The following FUS variants were observed in gnomAD, a reference collection of about 807,000 sequenced individuals.
FUS encodes the protein FUS RNA binding protein.
In FUS, 5 loss-of-function variants were observed where a neutral mutation model predicts 82.7. That is an observed-to-expected ratio of 0.06 (90% CI 0.03 to 0.13). The LOEUF (loss-of-function observed/expected upper bound fraction) is 0.13. FUS is among the 10% of genes least tolerant of loss of function. FUS has a pLI of 1.00. For synonymous variants in FUS, 281 were observed against 247.4 expected, an observed-to-expected ratio of 1.14 and a Z score of -1.27; for missense variants, 512 against 707.8, an observed-to-expected ratio of 0.72 and a Z score of 3.14.
rs1273927263 is a variant in FUS at position 31,184,994 on chromosome 16, T to G, written c.579T>G (p.Gly193=). The change falls in exon 6 of 15, where the codon GGT becomes GGG. Residue 193 remains glycine (G), a synonymous_variant. Coordinates refer to ENST00000254108, the MANE Select transcript of FUS (RefSeq NM_004960.4). ...SMSSGGGSGG[G]YGNQDQSGGG... ...GTAGTGGTGGTGGCAGTGGTGGCGG[T>G]TATGGCAATCAAGACCAGAGTGGTG... 22 of 1,613,456 alleles carry G rather than the reference T, an allele frequency of 1.4e-5. No homozygotes were observed. Among genetic ancestry groups the G allele is most frequent in the Non-Finnish European group, 1.8e-5 (21 of 1,179,820 alleles).
chr16:31,180,624 G>A (rs866688430), intron 1 of FUS, among the ~76,000 whole-genome samples: 17 of 152,260 alleles, frequency 1.1e-4, no homozygotes, highest in South Asian at 8.3e-4. Context: ...GCGCTCTGCG[G>A]GCCCCTCCCC....
chr16:31,194,703 T>C (rs1398536802), downstream of FUS: 1 of 486,508 alleles, frequency 2.1e-6, no homozygotes, highest in Non-Finnish European at 4.1e-6. Context: ...GGCTAATATA[T>C]CCATCACTTC....
intron 2 of FUS, 40 bp downstream of exon 2, chr16:31,182,462 A>G (rs768106216): frequency 1.9e-6 from 3 of 1,614,118 alleles, no homozygotes; most frequent in Non-Finnish European, 2.5e-6. Context: ...TGTAGAGGGC[A>G]AGGGTGGTCA....
rs895300692 is a variant in FUS, at chr16:31,185,077, G to T, written c.662G>T (p.Ser221Ile). 5 of 1,609,622 alleles carry T rather than the reference G, an allele frequency of 3.1e-6. No homozygotes were observed. In the African/African-American group the frequency reaches 4.0e-5, roughly 13 times the overall value. Residue 221 changes from serine to isoleucine, a missense_variant, in exon 6 of 15, where the codon AGT becomes ATT. Around this residue, in one of 6 missense-constraint regions of FUS, gnomAD observed 276 missense variants for 303.3 expected, o/e 0.91. Transcript: ENST00000254108. ...QDRGGRGRGG[S>I]GGGGGGGGGG... ...CGTGGAGGCCGCGGCAGGGGTGGCAGTGGTGGCGGCGGCGGCGGCGGCGGT... is the reference window on the plus strand; with the variant it reads ...CGTGGAGGCCGCGGCAGGGGTGGCATTGGTGGCGGCGGCGGCGGCGGCGGT...
At chr16:31,191,785 T>C (rs1482264058), downstream of FUS, 7 of 590,456 alleles carry the variant, frequency 1.2e-5, no homozygotes, top group South Asian at 1.1e-4. Context: ...GGAAAGTTGG[T>C]GTATAAATGA....
At chr16:31,183,370 AT>A (rs1264110953) in intron 3 of FUS, 1 of 163,852 alleles carries the variant, frequency 6.1e-6, no homozygotes, top group Admixed American at 5.6e-5. Flanking sequence ...GACTCTTCTT[AT>A]TTTCCATCAG....
At chr16:31,183,174 T>C (rs1173633434) in intron 3 of FUS, 1 of 189,018 alleles carries the variant, frequency 5.3e-6, no homozygotes, top group Non-Finnish European at 1.1e-5. Flanking sequence ...GGCGGGAGGA[T>C]CCCTTGAATT....
chr16:31,183,075 A>G, intron 3 of FUS: 4 of 298,362 alleles, frequency 1.3e-5, no homozygotes, highest in South Asian at 1.3e-4. Context: ...TTTCCGTGAA[A>G]CAGTGTATAA....
At chr16:31,187,223 G>T in intron 7 of FUS, 1 of 352,874 alleles carries the variant, frequency 2.8e-6, no homozygotes, top group Admixed American at 4.1e-5. Context: ...TTGTGTGTGT[G>T]TGAGTGTGTG....
intron 1 of FUS, among the ~76,000 whole-genome samples, chr16:31,181,876 G>C (rs1434982312): frequency 6.6e-6 from 1 of 152,156 alleles, no homozygotes; most frequent in East Asian, 1.9e-4. Flanking sequence ...CTGGGACTCT[G>C]TAGAAACTTG....
At chr16:31,182,807 AC>A in intron 3 of FUS, 143 bp downstream of exon 3, 1 of 1,015,202 alleles carries the variant, frequency 9.9e-7, no homozygotes, top group Non-Finnish European at 1.5e-6. Context: ...ACATCAGCCT[AC>A]CGGGTTCAAA....
chr16:31,188,271 C>T (rs751675363), intron 7 of FUS, 54 bp from the exon 8 acceptor site: 84 of 1,585,624 alleles, frequency 5.3e-5, no homozygotes, highest in Non-Finnish European at 6.5e-5. Context: ...ACTAACGGCT[C>T]ATCTTTTCCT....
chr16:31,188,235 T>C, intron 7 of FUS, 90 bp from the exon 8 acceptor site: 1 of 1,389,522 alleles, frequency 7.2e-7, no homozygotes, highest in Non-Finnish European at 1.0e-6. Flanking sequence ...GTGTTAATTT[T>C]TTTCCTTGTC....
rs1567467354 is a variant in FUS at position 31,180,182 on chromosome 16, G to GTTGC, written c.-24_-21dup. 1.2e-6 allele frequency: 2 copies of GTTGC among 1,608,710 alleles called. No individual in the cohort carries two copies. Among genetic ancestry groups the GTTGC allele is most frequent in the Non-Finnish European group, 8.5e-7 (1 of 1,177,610 alleles). ...CGGTACTCAGCGGTGTTGGAACTTC[G>GTTGC]TTGCTTGCTTGCCTGTGCGCGCGTG... On this transcript the variant is annotated 5_prime_UTR_variant, in exon 1 of 15. Coordinates refer to ENST00000254108, the MANE Select transcript of FUS (RefSeq NM_004960.4).
At chr16:31,181,378 C>T (rs1456560084) in intron 1 of FUS, among the ~76,000 whole-genome samples, 1 of 152,102 alleles carries the variant, frequency 6.6e-6, no homozygotes, top group Non-Finnish European at 1.5e-5. Flanking sequence ...TTTTCAAAAG[C>T]GCTTTTGTTG....
downstream of FUS, chr16:31,192,737 G>A (rs142052066): frequency 2.1e-6 from 1 of 479,930 alleles, no homozygotes; most frequent in Middle Eastern, 6.2e-4. Context: ...TGCCCACCTA[G>A]TTTTTGCATT....
downstream of FUS, chr16:31,194,294 A>ATTTT (rs375892764): frequency 3.1e-5 from 15 of 484,170 alleles, no homozygotes; most frequent in Middle Eastern, 5.9e-4. Flanking sequence ...TCCTTTTTAA[A>ATTTT]TTTTTTTTTT....
At chr16:31,186,891 G>C in intron 7 of FUS, 55 bp downstream of exon 7, 2 of 1,514,838 alleles carry the variant, frequency 1.3e-6, no homozygotes, top group Non-Finnish European at 1.8e-6. Context: ...TTGTCTGATT[G>C]TTCATTTGCA....
intron 1 of FUS, 47 bp from the exon 2 acceptor site, chr16:31,182,351 T>C (rs943325361): frequency 8.7e-6 from 14 of 1,609,824 alleles, no homozygotes; most frequent in Admixed American, 1.7e-5. Context: ...ATTCAACTCT[T>C]TCAGAGTGGC....
Sources: gnomAD v4.1 joint callset for allele counts (sites outside exome capture counted in the v4.1 genomes callset) on GRCh38, gnomAD v4.1.1 for gene constraint, gnomAD v4.1.1 regional missense constraint, MANE v1.5 for transcripts, NCBI Gene and HGNC (gene_info 2026-07-23, HGNC 2026-07-21) for gene names.